GPR89B: variants seen among roughly 807,000 people sequenced by gnomAD.
GPR89B encodes golgi pH regulator B, also known as G protein-coupled receptor 89B.
GPR89B carries 25 observed loss-of-function variants against 52.4 expected under a neutral mutation model. That is an observed-to-expected ratio of 0.48 (90% CI 0.35 to 0.67). The LOEUF is 0.67. Ranked by LOEUF, GPR89B falls within the 30% of genes least tolerant of loss-of-function variation. The probability of loss-of-function intolerance (pLI) is 0.01; values close to 1 mark genes in which losing one functional copy is unlikely to be tolerated. For synonymous variants in GPR89B, 52 were observed against 151.2 expected, an observed-to-expected ratio of 0.34 and a Z score of 4.81; for missense variants, 146 against 450.2, an observed-to-expected ratio of 0.32 and a Z score of 6.11.
the GPR89B span, among the ~76,000 whole-genome samples, chr1:148,021,516 G>T: frequency 6.6e-6 from 1 of 151,674 alleles, no homozygotes; most frequent in East Asian, 2.0e-4. Flanking sequence ...GAGAAGCTGT[G>T]GGGTGGGGCG....
At chr1:148,001,986 A>G in the GPR89B span, among the ~76,000 whole-genome samples, 2 of 150,586 alleles carry the variant, frequency 1.3e-5, no homozygotes, top group African/African-American at 2.4e-5. Context: ...ATATATTTGT[A>G]TATACATGCC....
In GPR89B at chr1:147,982,098, C is replaced by T. The variant is rs1361676065; in HGVS notation, c.910-4101C>T. On this transcript the variant is annotated intron_variant, in intron 10 of 13. Coordinates refer to ENST00000314163, the MANE Select transcript of GPR89B (RefSeq NM_016334.5). ...TTACTGAGGTGGAGTCTCGCTCTGT[C>T]GCCCAGGCTGGAGTGCAGTGGTGCA... 1.1e-4 allele frequency among the ~76,000 whole-genome samples: 17 copies of T among 148,832 alleles called. No individual in the cohort carries two copies. The East Asian group carries it at 3.0e-3, about 27-fold the overall frequency.
intron 1 of GPR89B, among the ~76,000 whole-genome samples, chr1:147,934,173 TTTTG>T (rs1292293877): frequency 3.3e-5 from 5 of 150,702 alleles, no homozygotes; most frequent in African/African-American, 7.3e-5. Flanking sequence ...CTGATTCGTT[TTTTG>T]TTTGTTTGTT....
chr1:147,945,672 C>G (rs1654905863), intron 5 of GPR89B, among the ~76,000 whole-genome samples: 1 of 152,036 alleles, frequency 6.6e-6, no homozygotes, highest in African/African-American at 2.4e-5. Context: ...CATGACCTGG[C>G]TGCTGCTCTC....
the GPR89B span, chr1:148,005,423 C>T: frequency 6.3e-7 from 1 of 1,595,250 alleles, no homozygotes; most frequent in Non-Finnish European, 8.5e-7. Context: ...TCTCCATTCA[C>T]TTCAATCAAG....
the GPR89B span, among the ~76,000 whole-genome samples, chr1:148,019,861 C>A: frequency 6.6e-6 from 1 of 151,892 alleles, no homozygotes; most frequent in African/African-American, 2.4e-5. Flanking sequence ...GTGAAATGTC[C>A]ATTTATTCCC....
chr1:148,013,836 C>A, the GPR89B span, among the ~76,000 whole-genome samples: 10 of 151,998 alleles, frequency 6.6e-5, no homozygotes, highest in Admixed American at 5.9e-4. Context: ...GGGCTGGGGG[C>A]CTTGCTGTCC....
chr1:147,939,016 A>G (rs1430481639), intron 3 of GPR89B, among the ~76,000 whole-genome samples, 199 bp downstream of exon 3: 2 of 133,016 alleles, frequency 1.5e-5, no homozygotes, highest in Non-Finnish European at 3.2e-5. Context: ...ATACCAGGAA[A>G]CAAAAGATCT....
chr1:147,947,697 G>A (rs1655098406), intron 5 of GPR89B, among the ~76,000 whole-genome samples: 1 of 152,126 alleles, frequency 6.6e-6, no homozygotes, highest in South Asian at 2.1e-4. Flanking sequence ...TAAAGGTAGA[G>A]GGGGAATTTT....
intron 1 of GPR89B, among the ~76,000 whole-genome samples, chr1:147,929,840 G>A (rs1366221996): frequency 2.0e-5 from 3 of 151,982 alleles, no homozygotes; most frequent in Non-Finnish European, 4.4e-5. Flanking sequence ...CATAAGTATT[G>A]TTTTTATTGG....
the GPR89B span, chr1:148,021,724 C>A: frequency 6.6e-6 from 1 of 150,982 alleles, no homozygotes; most frequent in Admixed American, 6.6e-5. Context: ...ATTTCTATCA[C>A]CCCTGTTTGT....
At position 147,970,549 on chromosome 1, in the gene GPR89B, C is replaced by G. The variant is rs868982335; in HGVS notation, c.909+590C>G. Among the ~76,000 whole-genome samples, 98 of 124,648 alleles carry G rather than the reference C, an allele frequency of 7.9e-4. 2 individuals are homozygous for G. In the East Asian group the frequency reaches 0.013, roughly 16 times the overall value. 81.8% of individuals were successfully genotyped at this position (124,648 alleles called of 152,430 possible). ...TCTCTCTCTCTATCTCTATCTCTCT[C>G]TCTCTATCTCTCTCTCTCTCTATAT... On this transcript the variant is annotated intron_variant, in intron 10 of 13. Transcript: ENST00000314163.
At chr1:147,943,362 C>A in intron 3 of GPR89B, 76 bp from the exon 4 acceptor site, 2 of 1,595,424 alleles carry the variant, frequency 1.3e-6, no homozygotes, top group Non-Finnish European at 1.7e-6. Flanking sequence ...AGCAAAAGGA[C>A]CCTTTGGAAG....
the GPR89B span, among the ~76,000 whole-genome samples, chr1:148,017,724 C>T: frequency 5.7e-5 from 8 of 140,954 alleles, no homozygotes; most frequent in African/African-American, 1.9e-4. Context: ...GGTGACAGAG[C>T]GAGACTCCGT....
intron 10 of GPR89B, among the ~76,000 whole-genome samples, chr1:147,972,388 T>C (rs1237841257): frequency 6.6e-6 from 1 of 150,962 alleles, no homozygotes; most frequent in African/African-American, 2.5e-5. Flanking sequence ...GTTTAACTTT[T>C]GAAGAAACAG....
In GPR89B at chr1:147,935,526, G is replaced by A. The variant is rs1179080093; in HGVS notation, c.43-1101G>A. Among the ~76,000 whole-genome samples, 3 of 152,326 alleles carry A rather than the reference G, an allele frequency of 2.0e-5. No individual in the cohort carries two copies. The East Asian group carries it at 5.8e-4, about 29-fold the overall frequency. ...TGTCATGTGGCTACGGTCTCTGCCA[G>A]TTTGAAACAAAACTGACGAAAGAGG... On this transcript the variant is annotated intron_variant, in intron 1 of 13. Transcript: ENST00000314163.
chr1:148,006,847 G>T, the GPR89B span, among the ~76,000 whole-genome samples: 721 of 151,834 alleles, frequency 4.7e-3, 17 homozygotes, highest in East Asian at 0.058. Flanking sequence ...CTCTCGAGTA[G>T]CTGGGACTAC....
At chr1:148,019,894 C>A in the GPR89B span, among the ~76,000 whole-genome samples, 1 of 151,642 alleles carries the variant, frequency 6.6e-6, no homozygotes, top group East Asian at 1.9e-4. Flanking sequence ...CTCTGTAAGG[C>A]ATAAGAAGTT....
intron 10 of GPR89B, among the ~76,000 whole-genome samples, chr1:147,977,233 C>CAAAAAAA (rs1191631857): frequency 1.9e-4 from 8 of 41,326 alleles, no homozygotes; most frequent in African/African-American, 3.8e-4. Context: ...GACTCCATCT[C>CAAAAAAA]AAAAAAAAAA....
Sources: gnomAD v4.1 joint callset for allele counts (sites outside exome capture counted in the v4.1 genomes callset) on GRCh38, gnomAD v4.1.1 for gene constraint, MANE v1.5 for transcripts, NCBI Gene and HGNC (gene_info 2026-07-23, HGNC 2026-07-21) for gene names.